Variants in RUFY4 observed in about 807,000 individuals in gnomAD.
RUFY4 encodes the protein RUN and FYVE domain containing 4.
Under a neutral mutation model 69.0 loss-of-function variants are expected in RUFY4, and 73 were observed. The observed-to-expected ratio is 1.06, with a 90% CI of 0.88 to 1.29. The LOEUF (loss-of-function observed/expected upper bound fraction) is 1.29. Ranked by LOEUF, RUFY4 falls within the 50% of genes most tolerant of loss-of-function variation. The pLI is 0.00. For missense variants in RUFY4, 770 were observed against 705.6 expected, an observed-to-expected ratio of 1.09 and a Z score of -1.03; for synonymous variants, 287 against 271.8, an observed-to-expected ratio of 1.06 and a Z score of -0.55.
chr2:218,072,402 TG>T lies in RUFY4; in HGVS notation c.186del (p.Pro63LeufsTer32), dbSNP rs1196479474. The T allele has an allele frequency of 1.3e-6, 2 of 1,537,364 alleles. No homozygotes were observed. Among genetic ancestry groups the T allele is most frequent in the Admixed American group, 2.0e-5 (1 of 50,996 alleles). ...GACCAGAAAGAGCAGAAGAGCTTCC[TG>T]GGGCCTCGGAAGGATTACTGGGACT... On this transcript the variant is annotated frameshift_variant, in exon 3 of 11. Coordinates refer to ENST00000344321, the Ensembl canonical transcript of RUFY4. LOFTEE classifies it high-confidence loss of function.
At chr2:218,087,887 C>G (rs991626407) in intron 9 of RUFY4, among the ~76,000 whole-genome samples, 2 of 151,870 alleles carry the variant, frequency 1.3e-5, no homozygotes, top group African/African-American at 4.8e-5. Flanking sequence ...AGGAATATAA[C>G]TATGTTAGGA....
intron 2 of RUFY4, 54 bp from the exon 5 acceptor site, chr2:218,072,320 G>T: frequency 6.5e-7 from 1 of 1,526,998 alleles, no homozygotes; most frequent in Admixed American, 2.0e-5. Flanking sequence ...AGAATGCAGG[G>T]CGTGTTCTGG....
exon 1 of RUFY4, chr2:218,070,604 C>G: frequency 6.5e-7 from 1 of 1,537,466 alleles, no homozygotes. Flanking sequence ...TTCCAAGTAC[C>G]CATGGCAGAA....
intron 2 of RUFY4, among the ~76,000 whole-genome samples, chr2:218,052,280 G>A (rs1388446842): frequency 6.6e-6 from 1 of 152,194 alleles, no homozygotes; most frequent in African/African-American, 2.4e-5. Flanking sequence ...GTGTCCTCCA[G>A]TGTAAGTCGA....
intron 5 of RUFY4, 114 bp from the exon 8 acceptor site, chr2:218,073,702 G>C: frequency 8.8e-7 from 1 of 1,142,460 alleles, no homozygotes; most frequent in Non-Finnish European, 1.3e-6. Flanking sequence ...TGGGCAGGAA[G>C]GAGGAAGTGT....
chr2:218,089,298 G>A (rs746183486), exon 10 of RUFY4: 2 of 1,613,804 alleles, frequency 1.2e-6, no homozygotes. Context: ...CTCTTCCATG[G>A]CTCCCGAGTG....
chr2:218,044,319 G>T (rs1688775886), intron 2 of RUFY4, among the ~76,000 whole-genome samples: 1 of 152,202 alleles, frequency 6.6e-6, no homozygotes, highest in South Asian at 2.1e-4. Flanking sequence ...GTATGTAAAT[G>T]CAAGAATAAT....
intron 3 of RUFY4, chr2:218,061,526 T>G: frequency 6.1e-6 from 1 of 165,018 alleles, no homozygotes; most frequent in Admixed American, 5.6e-5. Context: ...ATTCTTTGTG[T>G]TGGCTTGTAT....
At chr2:218,075,762 A>G in intron 7 of RUFY4, 22 bp downstream of exon 9, 1 of 1,379,604 alleles carries the variant, frequency 7.2e-7, no homozygotes, top group Non-Finnish European at 9.4e-7. Flanking sequence ...TGAGCTCCAT[A>G]CCTGGTTATT....
At position 218,089,235 on chromosome 2, in the gene RUFY4, C is replaced by A; in HGVS notation, c.1503-17C>A. 1 of 1,598,136 alleles carries A rather than the reference C, an allele frequency of 6.3e-7. No homozygotes were observed. Among genetic ancestry groups the A allele is most frequent in the Non-Finnish European group, 8.6e-7 (1 of 1,166,834 alleles). On this transcript the variant is annotated splice_polypyrimidine_tract_variant and intron_variant, in intron 9 of 10. Coordinates refer to ENST00000344321, the Ensembl canonical transcript of RUFY4. ...TCTGTCTCTGTCTGTGTCTCTCCAC[C>A]TTCATCCCCCCATCAGAGAGAAGGA...
At chr2:218,045,646 G>A (rs1688809121) in intron 2 of RUFY4, among the ~76,000 whole-genome samples, 1 of 152,052 alleles carries the variant, frequency 6.6e-6, no homozygotes, top group Admixed American at 6.6e-5. Flanking sequence ...ATAGTTTCAT[G>A]AAACTATCAG....
chr2:218,076,598 G>T lies in RUFY4; in HGVS notation c.1355+65G>T, dbSNP rs916762998. On this transcript the variant is annotated intron_variant, in intron 8 of 10. Coordinates refer to ENST00000344321, the Ensembl canonical transcript of RUFY4. ...CTCCCTAGGTCCTGCTGTCAATCACGGTCAAGCCAGTGAGGTCTTGTGAGA... is the reference window on the plus strand; with the variant it reads ...CTCCCTAGGTCCTGCTGTCAATCACTGTCAAGCCAGTGAGGTCTTGTGAGA... 2.6e-6 allele frequency: 4 copies of T among 1,532,976 alleles called. No individual in the cohort carries two copies. The African/African-American group carries it at 5.6e-5, about 21-fold the overall frequency. The allele number at this position is 1,532,976 out of a possible 1,614,324, so 95.0% of individuals were successfully genotyped here.
exon 9 of RUFY4, chr2:218,083,184 T>G: frequency 6.2e-7 from 1 of 1,613,576 alleles, no homozygotes; most frequent in Middle Eastern, 1.7e-4. Flanking sequence ...AGGGATGCCA[T>G]GTACCAGGAG....
At position 218,089,881 on chromosome 2, in the gene RUFY4, G is replaced by T. The variant is rs1305923651; in HGVS notation, c.1614-71G>T. ...GGACCTGAAGATGCTGGAACTCCAT[G>T]ACCTCAGCGCCCACTTGGGGAAGTG... On this transcript the variant is annotated intron_variant, in intron 10 of 10. Transcript: ENST00000344321. 5.9e-6 allele frequency: 6 copies of T among 1,011,410 alleles called. No homozygotes were observed. The Admixed American group carries it at 1.2e-4, about 20-fold the overall frequency. The allele number at this position is 1,011,410 out of a possible 1,614,324, so 62.7% of individuals were successfully genotyped here.
chr2:218,044,919 T>C (rs1688792363), intron 2 of RUFY4, among the ~76,000 whole-genome samples: 3 of 152,228 alleles, frequency 2.0e-5, no homozygotes. Flanking sequence ...GCTGTGTCTT[T>C]ATAATGGAAG....
At chr2:218,080,776 G>T (rs1689743423) in intron 8 of RUFY4, among the ~76,000 whole-genome samples, 1 of 152,038 alleles carries the variant, frequency 6.6e-6, no homozygotes, top group Admixed American at 6.5e-5. Flanking sequence ...CCTCCCACCT[G>T]CTGCCCACTT....
chr2:218,082,883 T>C (rs1324077713), intron 8 of RUFY4, among the ~76,000 whole-genome samples: 3 of 77,270 alleles, frequency 3.9e-5, no homozygotes, highest in Non-Finnish European at 8.8e-5. Context: ...GTGTGTCTTC[T>C]GTGTTGTGCG....
intron 2 of RUFY4, among the ~76,000 whole-genome samples, chr2:218,071,625 G>A (rs1393028175): frequency 6.6e-6 from 1 of 151,950 alleles, no homozygotes; most frequent in Admixed American, 6.6e-5. Context: ...CGGCCCGAGG[G>A]GACCCATCCC....
exon 11 of RUFY4, chr2:218,090,248 C>T (rs564156867): frequency 8.4e-5 from 31 of 367,782 alleles, no homozygotes; most frequent in African/African-American, 8.5e-5. Context: ...ACTACCACAA[C>T]GAGCCAGGTG....
Sources: allele counts gnomAD v4.1 joint callset (sites outside exome capture counted in the v4.1 genomes callset), GRCh38; gene constraint gnomAD v4.1.1; transcripts MANE v1.5; gene names NCBI Gene and HGNC (gene_info 2026-07-23, HGNC 2026-07-21).